DLG2: variants seen among roughly 807,000 people sequenced by gnomAD.
DLG2 encodes the protein discs large MAGUK scaffold protein 2.
Under a neutral mutation model 132.5 loss-of-function variants are expected in DLG2, and 45 were observed. The ratio of observed to expected loss-of-function variants is 0.34; its 90% CI spans 0.27 to 0.44. The LOEUF is 0.44. DLG2 is among the 20% of genes least tolerant of loss of function. The pLI is 1.00. For synonymous variants in DLG2, 424 were observed against 419.6 expected (o/e 1.01, Z -0.13); for missense variants, 1,045 against 1,196.9 (o/e 0.87, Z 1.87).
intron 6 of DLG2, among the ~76,000 whole-genome samples, chr11:85,011,946 G>A (rs2059176880): frequency 6.6e-6 from 1 of 152,074 alleles, no homozygotes; most frequent in Non-Finnish European, 1.5e-5. Context: ...AGGTTCTAGA[G>A]GCACATATGA....
chr11:85,155,199 A>G (rs1494079), intron 4 of DLG2, among the ~76,000 whole-genome samples: 61 of 152,342 alleles, frequency 4.0e-4, no homozygotes, highest in African/African-American at 1.4e-3. Flanking sequence ...ACAACCTACA[A>G]TATGACCCAT....
At chr11:83,526,718 C>A (rs1354776798) in intron 21 of DLG2, among the ~76,000 whole-genome samples, 2 of 152,140 alleles carry the variant, frequency 1.3e-5, no homozygotes, top group African/African-American at 4.8e-5. Context: ...TGATTCTTTT[C>A]ATTCTCCTTC....
At position 83,866,022 on chromosome 11, in the gene DLG2, C is replaced by A. The variant is rs549554167; in HGVS notation, c.1565+8398G>T. Among the ~76,000 whole-genome samples the A allele has an allele frequency of 2.6e-5, 4 of 152,206 alleles. No homozygotes were observed. In the South Asian group the frequency reaches 6.2e-4, roughly 24 times the overall value. On this transcript the variant is annotated intron_variant, in intron 16 of 27. Coordinates refer to ENST00000376104, the MANE Select transcript of DLG2 (RefSeq NM_001142699.3). ...AAGAGCCTTCCATGACCTCCCTGACCACCCCGACAAAGTCAGATGCCCTAT... is the reference window on the plus strand; with the variant it reads ...AAGAGCCTTCCATGACCTCCCTGACAACCCCGACAAAGTCAGATGCCCTAT...
intron 8 of DLG2, among the ~76,000 whole-genome samples, chr11:84,192,917 A>G (rs1007005519): frequency 6.6e-6 from 1 of 152,180 alleles, no homozygotes; most frequent in African/African-American, 2.4e-5. Context: ...GAGAGAAAGA[A>G]CTATTCCCAC....
chr11:84,841,042 T>A (rs144868695), intron 6 of DLG2, among the ~76,000 whole-genome samples: 1 of 149,122 alleles, frequency 6.7e-6, no homozygotes, highest in East Asian at 2.0e-4. Context: ...GTAGGGGGGA[T>A]AAACTCTTCA....
In DLG2 at chr11:83,930,433, G is replaced by A; in HGVS notation, c.1391C>T (p.Ala464Val). 1 of 1,614,032 alleles carries A rather than the reference G, an allele frequency of 6.2e-7. No individual in the cohort carries two copies. The highest frequency in any genetic ancestry group is 8.5e-7 in the Non-Finnish European group (1 of 1,179,902). Residue 464 changes from alanine (A) to valine (V), a missense_variant, in exon 15 of 28, where the codon GCT becomes GTT. This residue lies in a region of DLG2 where 261 missense variants were observed against 256.1 expected (regional missense o/e 1.02). Coordinates refer to ENST00000376104, the MANE Select transcript of DLG2 (RefSeq NM_001142699.3). ...STVNKLCDKP[A>V]SPRHYSPVEC... is the part of the protein sequence containing the mutation. ...AACAGGGGAATAGTGCCTGGGAGAA[G>A]CAGGCTTATCACATAGTTTGTTCAC...
At chr11:85,578,782 G>C (rs145547261) in intron 3 of DLG2, among the ~76,000 whole-genome samples, 64 of 152,270 alleles carry the variant, frequency 4.2e-4, no homozygotes, top group African/African-American at 1.5e-3. Context: ...CACTATTAGT[G>C]GGAGTGTAAA....
intron 6 of DLG2, among the ~76,000 whole-genome samples, chr11:84,616,865 C>T (rs1286969981): frequency 6.6e-6 from 1 of 151,932 alleles, no homozygotes; most frequent in Non-Finnish European, 1.5e-5. Context: ...ATAACATTTC[C>T]CTCATTTTTC....
chr11:83,814,323 A>T (rs920186898), intron 17 of DLG2, among the ~76,000 whole-genome samples: 1 of 152,164 alleles, frequency 6.6e-6, no homozygotes, highest in Non-Finnish European at 1.5e-5. Flanking sequence ...GGCTAAATAA[A>T]CAGGGCCGTT....
chr11:84,994,864 C>T lies in DLG2; in HGVS notation c.357+116797G>A, dbSNP rs567580753. Among the ~76,000 whole-genome samples the T allele has an allele frequency of 1.6e-4, 24 of 152,208 alleles. No individual in the cohort carries two copies. The South Asian group carries it at 4.8e-3, about 30-fold the overall frequency. Reference sequence around the variant, plus strand: ...CTTGTTGAAATTCAGAACATAGGGCCTCTCTCATGATATCACTGGAGACAT... The same window carrying T: ...CTTGTTGAAATTCAGAACATAGGGCTTCTCTCATGATATCACTGGAGACAT... On this transcript the variant is annotated intron_variant, in intron 6 of 27. Transcript: ENST00000376104.
intron 8 of DLG2, among the ~76,000 whole-genome samples, chr11:84,175,423 C>A (rs1015746016): frequency 6.6e-6 from 1 of 152,108 alleles, no homozygotes; most frequent in African/African-American, 2.4e-5. Context: ...ATGCTAAAGG[C>A]TTTTTATTTG....
intron 3 of DLG2, among the ~76,000 whole-genome samples, chr11:85,330,955 C>T (rs954853608): frequency 6.6e-6 from 1 of 152,100 alleles, no homozygotes; most frequent in African/African-American, 2.4e-5. Flanking sequence ...CTGAGTATTA[C>T]TACACTTGAA....
At chr11:85,004,531 T>A (rs2058475593) in intron 6 of DLG2, among the ~76,000 whole-genome samples, 1 of 152,208 alleles carries the variant, frequency 6.6e-6, no homozygotes, top group Admixed American at 6.5e-5. Context: ...CTGAGAAGTG[T>A]CTGTTCATGT....
Position 83,455,729 on chromosome 11 carries a change from A to G in DLG2, c.*4089T>C, listed in dbSNP as rs747841916. 3 of 152,650 alleles carry G rather than the reference A, an allele frequency of 2.0e-5. No homozygotes were observed. Among genetic ancestry groups the G allele is most frequent in the Non-Finnish European group, 4.4e-5 (3 of 68,038 alleles). 9.5% of individuals were successfully genotyped at this position (152,650 alleles called of 1,614,324 possible). On this transcript the variant is annotated 3_prime_UTR_variant, in exon 28 of 28. Coordinates refer to ENST00000376104, the MANE Select transcript of DLG2 (RefSeq NM_001142699.3). ...AATGTAACGTGTGTACATGGTATAC[A>G]TACCATATATACCATACATACACAG...
intron 21 of DLG2, among the ~76,000 whole-genome samples, chr11:83,518,237 A>C (rs1253030061): frequency 6.6e-6 from 1 of 152,166 alleles, no homozygotes; most frequent in African/African-American, 2.4e-5. Context: ...CCCCTCCCCC[A>C]GCCTTGCTGC....
At chr11:83,460,301 G>T (rs148671798) in intron 27 of DLG2, among the ~76,000 whole-genome samples, 1,710 of 152,262 alleles carry the variant, frequency 0.011, 25 homozygotes, top group African/African-American at 0.039. Context: ...ATTTAGAAAA[G>T]AAAACTGGCC....
At chr11:83,620,533 C>T (rs1014911594) in intron 19 of DLG2, among the ~76,000 whole-genome samples, 3 of 151,862 alleles carry the variant, frequency 2.0e-5, no homozygotes, top group South Asian at 4.2e-4. Context: ...AGAAAGCATA[C>T]GTACACAAAG....
intron 8 of DLG2, among the ~76,000 whole-genome samples, chr11:84,182,541 A>T (rs1486016725): frequency 6.6e-6 from 1 of 150,570 alleles, no homozygotes; most frequent in Admixed American, 6.6e-5. Context: ...AAAAGAAAAA[A>T]AAAGAAAAAG....
At chr11:85,609,736 A>G (rs942278489) in intron 2 of DLG2, among the ~76,000 whole-genome samples, 3 of 152,068 alleles carry the variant, frequency 2.0e-5, no homozygotes, top group Non-Finnish European at 4.4e-5. Flanking sequence ...TGAGCCCCGG[A>G]TACGTTTAAC....
Sources: gnomAD v4.1 joint callset for allele counts (sites outside exome capture counted in the v4.1 genomes callset) on GRCh38, gnomAD v4.1.1 for gene constraint, gnomAD v4.1.1 regional missense constraint, MANE v1.5 for transcripts, NCBI Gene and HGNC (gene_info 2026-07-23, HGNC 2026-07-21) for gene names.